Variants in RBFOX1 observed in about 807,000 individuals in gnomAD.
The protein encoded by RBFOX1 is RNA binding fox-1 homolog 1.
In RBFOX1, 8 loss-of-function variants were observed where a neutral mutation model predicts 57.7. That is an observed-to-expected ratio of 0.14 (90% CI 0.08 to 0.25). RBFOX1 has a LOEUF of 0.25. RBFOX1 is among the 10% of genes least tolerant of loss of function. RBFOX1 has a pLI of 1.00. For missense variants in RBFOX1, 611 were observed against 548.5 expected (o/e 1.11, Z -1.14); for synonymous variants, 326 against 222.4 (o/e 1.47, Z -4.15).
At chr16:7,354,616 C>G (rs567155088) in intron 4 of RBFOX1, among the ~76,000 whole-genome samples, 2 of 152,296 alleles carry the variant, frequency 1.3e-5, no homozygotes, top group South Asian at 2.1e-4. Flanking sequence ...AGCACTATTA[C>G]CGTGCCCAAT....
At chr16:7,192,802 A>T (rs1223148294) in intron 4 of RBFOX1, among the ~76,000 whole-genome samples, 1 of 152,220 alleles carries the variant, frequency 6.6e-6, no homozygotes, top group Non-Finnish European at 1.5e-5. Flanking sequence ...AATAAATACA[A>T]CATTTTTAAA....
chr16:7,584,340 T>G, intron 6 of RBFOX1, among the ~76,000 whole-genome samples: 1 of 152,190 alleles, frequency 6.6e-6, no homozygotes, highest in East Asian at 1.9e-4. Flanking sequence ...TCACCCAGGC[T>G]GGAGTGCAAT....
chr16:7,014,869 C>A (rs1200968758), intron 3 of RBFOX1, among the ~76,000 whole-genome samples: 1 of 152,072 alleles, frequency 6.6e-6, no homozygotes, highest in East Asian at 1.9e-4. Context: ...AGATTACAGG[C>A]ATGTGCCACC....
At chr16:7,656,077 G>C (rs1365014926) in intron 12 of RBFOX1, among the ~76,000 whole-genome samples, 1 of 152,130 alleles carries the variant, frequency 6.6e-6, no homozygotes, top group Non-Finnish European at 1.5e-5. Context: ...TTATAGTGGT[G>C]GATTGTACCT....
At chr16:5,473,182 T>C (rs1014183063) in intron 2 of RBFOX1, among the ~76,000 whole-genome samples, 16 of 152,226 alleles carry the variant, frequency 1.1e-4, no homozygotes, top group Non-Finnish European at 2.2e-4. Flanking sequence ...TTTGTTCTCA[T>C]GTTTATTTAC....
chr16:7,205,529 G>T (rs28465371), intron 4 of RBFOX1, among the ~76,000 whole-genome samples: 3 of 142,868 alleles, frequency 2.1e-5, no homozygotes, highest in Non-Finnish European at 4.6e-5. Context: ...AAAAAAAAAA[G>T]AAAAAGAAAA....
At chr16:5,827,049 A>G (rs984952884) in intron 3 of RBFOX1, among the ~76,000 whole-genome samples, 2 of 152,178 alleles carry the variant, frequency 1.3e-5, no homozygotes, top group Non-Finnish European at 2.9e-5. Flanking sequence ...CTCTACGAAT[A>G]TTCTTTCTCC....
chr16:6,207,673 A>G (rs895862513), intron 1 of RBFOX1, among the ~76,000 whole-genome samples: 4 of 152,114 alleles, frequency 2.6e-5, no homozygotes, highest in Non-Finnish European at 5.9e-5. Flanking sequence ...GAAAGGTGAC[A>G]GTAGACATTT....
At chr16:6,729,565 C>T (rs771389186) in intron 3 of RBFOX1, among the ~76,000 whole-genome samples, 1 of 152,102 alleles carries the variant, frequency 6.6e-6, no homozygotes, top group Admixed American at 6.5e-5. Context: ...ATACTTCTGT[C>T]TCTGGGAATA....
chr16:6,073,092 G>C (rs980499535), intron 1 of RBFOX1, among the ~76,000 whole-genome samples: 1 of 152,272 alleles, frequency 6.6e-6, no homozygotes, highest in African/African-American at 2.4e-5. Context: ...TGCATCTAAT[G>C]AATTTCTTTA....
At chr16:5,506,403 A>G (rs1295421482) in intron 2 of RBFOX1, among the ~76,000 whole-genome samples, 1 of 152,096 alleles carries the variant, frequency 6.6e-6, no homozygotes, top group Non-Finnish European at 1.5e-5. Flanking sequence ...CTAAACCCCA[A>G]TCCTTTCTTG....
chr16:6,154,614 G>T (rs188402605), intron 1 of RBFOX1, among the ~76,000 whole-genome samples: 1 of 152,166 alleles, frequency 6.6e-6, no homozygotes, highest in Non-Finnish European at 1.5e-5. Flanking sequence ...TATTTCCTTG[G>T]AGAGAGAATC....
intron 4 of RBFOX1, among the ~76,000 whole-genome samples, chr16:5,879,031 G>A (rs1447192527): frequency 2.0e-5 from 3 of 152,150 alleles, no homozygotes; most frequent in Non-Finnish European, 2.9e-5. Context: ...AGCAGCACAG[G>A]CAAGAATTCT....
chr16:5,681,339 C>G (rs947808566), intron 3 of RBFOX1, among the ~76,000 whole-genome samples: 3 of 151,244 alleles, frequency 2.0e-5, no homozygotes, highest in African/African-American at 7.3e-5. Context: ...CCGCCTCGGC[C>G]TCCCAAAGTG....
intron 3 of RBFOX1, among the ~76,000 whole-genome samples, chr16:5,707,727 G>T (rs1320495079): frequency 6.6e-6 from 1 of 152,172 alleles, no homozygotes; most frequent in Admixed American, 6.5e-5. Context: ...AAATAGGAAT[G>T]ATACTAATAC....
intron 4 of RBFOX1, among the ~76,000 whole-genome samples, chr16:7,276,297 C>T (rs2095438769): frequency 6.6e-6 from 1 of 152,134 alleles, no homozygotes; most frequent in Admixed American, 6.5e-5. Flanking sequence ...TCCTCTCCTT[C>T]CTGATGGCTC....
chr16:6,621,896 T>C (rs1484205854), intron 2 of RBFOX1, among the ~76,000 whole-genome samples: 2 of 151,998 alleles, frequency 1.3e-5, no homozygotes, highest in East Asian at 1.9e-4. Context: ...GTGGATGACA[T>C]GATTTAAAAA....
intron 3 of RBFOX1, among the ~76,000 whole-genome samples, chr16:6,847,618 G>C (rs181666604): frequency 6.6e-6 from 1 of 152,202 alleles, no homozygotes; most frequent in East Asian, 1.9e-4. Flanking sequence ...CAAGGGACGT[G>C]AAGAATGGAA....
chr16:6,991,873 T>C (rs2091520760), intron 3 of RBFOX1, among the ~76,000 whole-genome samples: 1 of 152,162 alleles, frequency 6.6e-6, no homozygotes, highest in Non-Finnish European at 1.5e-5. Flanking sequence ...TAGGAATCAC[T>C]TCAGGGTTTT....
Sources: allele counts gnomAD v4.1 joint callset (sites outside exome capture counted in the v4.1 genomes callset), GRCh38; gene constraint gnomAD v4.1.1; transcripts MANE v1.5; gene names NCBI Gene and HGNC (gene_info 2026-07-23, HGNC 2026-07-21).